Variants in SMAD5 observed in about 807,000 individuals in gnomAD.
The protein encoded by SMAD5 is MAD, mothers against decapentaplegic homolog 5.
SMAD5 carries 9 observed loss-of-function variants against 43.1 expected under a neutral mutation model. The ratio of observed to expected loss-of-function variants is 0.21; its 90% CI spans 0.13 to 0.36. The LOEUF is 0.36. SMAD5 is among the 10% of genes least tolerant of loss of function. The probability of loss-of-function intolerance (pLI) is 1.00; values close to 1 mark genes in which losing one functional copy is unlikely to be tolerated. For missense variants in SMAD5, 348 were observed against 574.0 expected, an observed-to-expected ratio of 0.61 and a Z score of 4.02; for synonymous variants, 190 against 192.4, an observed-to-expected ratio of 0.99 and a Z score of 0.10.
intron 3 of SMAD5, among the ~76,000 whole-genome samples, chr5:136,155,822 C>G (rs1277201294): frequency 6.6e-6 from 1 of 152,190 alleles, no homozygotes; most frequent in African/African-American, 2.4e-5. Context: ...ATTCATTACT[C>G]TATCCTTAGT....
At chr5:136,162,078 G>C (rs1017344268) in intron 4 of SMAD5, among the ~76,000 whole-genome samples, 1 of 152,172 alleles carries the variant, frequency 6.6e-6, no homozygotes, top group Non-Finnish European at 1.5e-5. Flanking sequence ...ATGGTCATGG[G>C]TAGCCAGAGC....
In SMAD5 at chr5:136,179,346, T is replaced by C. The variant is rs1190966645; in HGVS notation, c.*1866T>C. 3 of 152,624 alleles carry C rather than the reference T, an allele frequency of 2.0e-5. No homozygotes were observed. The highest frequency in any genetic ancestry group is 1.5e-5 in the Non-Finnish European group (1 of 68,036). The allele number at this position is 152,624 out of a possible 1,614,324, so 9.5% of individuals were successfully genotyped here. ...TTTTGGAAAAAAAAAATGACCTAAT[T>C]TACCTATCAGTGAAAGCTTTATTTT... is the stretch of plus-strand genomic sequence containing the variant. On this transcript the variant is annotated 3_prime_UTR_variant, in exon 8 of 8. Coordinates refer to ENST00000545279, the MANE Select transcript of SMAD5 (RefSeq NM_005903.7).
intron 2 of SMAD5, among the ~76,000 whole-genome samples, chr5:136,149,301 T>C (rs1753370289): frequency 6.6e-6 from 1 of 151,852 alleles, no homozygotes; most frequent in Admixed American, 6.6e-5. Flanking sequence ...ACTTGTTTTT[T>C]GGTGGACACA....
At chr5:136,163,884 A>C (rs187809588) in intron 5 of SMAD5, among the ~76,000 whole-genome samples, 1 of 152,164 alleles carries the variant, frequency 6.6e-6, no homozygotes, top group African/African-American at 2.4e-5. Context: ...TATTTTGATT[A>C]TTATAAACAT....
chr5:136,148,254 G>GTTTTTTTTTTTTT (rs139474987), intron 2 of SMAD5, among the ~76,000 whole-genome samples: 1 of 150,310 alleles, frequency 6.7e-6, no homozygotes. Context: ...GCTTTAAGTT[G>GTTTTTTTTTTTTT]TTCTTTTTTT....
chr5:136,150,944 G>A (rs1289977913), intron 2 of SMAD5, among the ~76,000 whole-genome samples: 8 of 151,938 alleles, frequency 5.3e-5, no homozygotes, highest in African/African-American at 1.7e-4. Context: ...ACAGAATCTG[G>A]TGGGCACAGT....
In SMAD5 at chr5:136,135,952, T is replaced by C. The variant is rs188347738; in HGVS notation, c.-245+2990T>C. The stretch of plus-strand genomic sequence containing the variant: ...CAGCTTATAGCCTATGATTTGCCCG[T>C]CTTCTCATAGGGTCAAAGACATTGA... On this transcript the variant is annotated intron_variant, in intron 1 of 7. Coordinates refer to ENST00000545279, the MANE Select transcript of SMAD5 (RefSeq NM_005903.7). Among the ~76,000 whole-genome samples the C allele has an allele frequency of 7.5e-4, 114 of 152,328 alleles. 2 individuals are homozygous for C. Among genetic ancestry groups the C allele is most frequent in the Admixed American group, 7.4e-3 (114 of 15,308 alleles).
chr5:136,157,643 T>C (rs1302332103), intron 3 of SMAD5, among the ~76,000 whole-genome samples: 1 of 152,148 alleles, frequency 6.6e-6, no homozygotes, highest in African/African-American at 2.4e-5. Context: ...ATATGTGCAG[T>C]TGGCGATAGG....
chr5:136,135,442 C>T (rs1752841064), intron 1 of SMAD5, among the ~76,000 whole-genome samples: 1 of 152,086 alleles, frequency 6.6e-6, no homozygotes. Context: ...TTGTCCTTTG[C>T]ATTGAACGGA....
chr5:136,152,605 T>G (rs555785511), intron 2 of SMAD5: 1 of 152,320 alleles, frequency 6.6e-6, no homozygotes, highest in South Asian at 2.1e-4. Flanking sequence ...TTAGTAGGTA[T>G]TTATCGTCTG....
chr5:136,174,249 A>G (rs1325977826), intron 6 of SMAD5, 127 bp from the exon 7 acceptor site: 1 of 756,804 alleles, frequency 1.3e-6, no homozygotes, highest in African/African-American at 1.7e-5. Context: ...ATCTAGTGGT[A>G]ACTTCTGTCT....
At chr5:136,144,194 G>A (rs1753185416) in intron 1 of SMAD5, among the ~76,000 whole-genome samples, 1 of 151,918 alleles carries the variant, frequency 6.6e-6, no homozygotes, top group Non-Finnish European at 1.5e-5. Context: ...TAGATTTTGG[G>A]GGATTCTCTG....
chr5:136,144,672 G>A (rs972972346), intron 1 of SMAD5, among the ~76,000 whole-genome samples: 1 of 151,458 alleles, frequency 6.6e-6, no homozygotes, highest in Admixed American at 6.6e-5. Flanking sequence ...GGATAGGTAT[G>A]TTAGGTGGCT....
rs1338318837 is a variant in SMAD5 at position 136,181,428 on chromosome 5, G to T, written c.*3948G>T. The T allele has an allele frequency of 6.6e-6, 1 of 152,160 alleles. No homozygotes were observed. The highest frequency in any genetic ancestry group is 1.5e-5 in the Non-Finnish European group (1 of 68,008). 9.4% of individuals were successfully genotyped at this position (152,160 alleles called of 1,614,324 possible). On this transcript the variant is annotated 3_prime_UTR_variant, in exon 8 of 8. Transcript: ENST00000545279. The stretch of plus-strand genomic sequence containing the variant: ...AGCAAGTATCTTAGGGTAGTAGGTA[G>T]CCTGGTGGTTTTAGAAGTGTTTGGT...
intron 6 of SMAD5, 123 bp downstream of exon 6, chr5:136,172,778 G>A (rs1397565671): frequency 1.5e-6 from 1 of 686,484 alleles, no homozygotes; most frequent in African/African-American, 1.8e-5. Context: ...TCTGCCTTAA[G>A]TTGCCGATAT....
intron 1 of SMAD5, among the ~76,000 whole-genome samples, chr5:136,142,529 C>T (rs1349465182): frequency 6.6e-6 from 1 of 151,990 alleles, no homozygotes; most frequent in Non-Finnish European, 1.5e-5. Flanking sequence ...ATTATGATTA[C>T]CTTGGTTTTC....
chr5:136,147,186 C>CT (rs984416823), intron 1 of SMAD5, among the ~76,000 whole-genome samples: 1 of 151,528 alleles, frequency 6.6e-6, no homozygotes, highest in Non-Finnish European at 1.5e-5. Flanking sequence ...ATTAGAAAAG[C>CT]TTTGGAGTAA....
At chr5:136,164,266 A>G (rs1171396196) in intron 5 of SMAD5, among the ~76,000 whole-genome samples, 2 of 152,220 alleles carry the variant, frequency 1.3e-5, no homozygotes, top group African/African-American at 4.8e-5. Context: ...ATAGATATCT[A>G]GGAGTGCAAT....
At chr5:136,150,239 T>C (rs1212652899) in intron 2 of SMAD5, among the ~76,000 whole-genome samples, 2 of 151,906 alleles carry the variant, frequency 1.3e-5, no homozygotes, top group Non-Finnish European at 2.9e-5. Context: ...AGTCATGACC[T>C]TTTCCCAGTG....
Sources: allele counts gnomAD v4.1 joint callset (sites outside exome capture counted in the v4.1 genomes callset), GRCh38; gene constraint gnomAD v4.1.1; transcripts MANE v1.5; gene names NCBI Gene and HGNC (gene_info 2026-07-23, HGNC 2026-07-21).